The following GRIN2A variants were observed in gnomAD, a reference collection of about 807,000 sequenced individuals.
The protein encoded by GRIN2A is glutamate ionotropic receptor NMDA type subunit 2A, also known as glutamate receptor ionotropic, NMDA 2A.
GRIN2A carries 22 observed loss-of-function variants against 113.4 expected under a neutral mutation model. That is an observed-to-expected ratio of 0.19 (90% CI 0.14 to 0.28). The LOEUF (loss-of-function observed/expected upper bound fraction) is 0.28, where lower values mean the gene tolerates loss of function less well. Ranked by LOEUF, GRIN2A falls within the 10% of genes least tolerant of loss-of-function variation. GRIN2A has a pLI of 1.00. For missense variants in GRIN2A, 1,502 were observed against 1,887.0 expected (o/e 0.80, Z 3.78); for synonymous variants, 827 against 738.4 (o/e 1.12, Z -1.94).
chr16:9,761,720 A>T lies in GRIN2A; in HGVS notation c.*1429T>A, dbSNP rs1900591088. On this transcript the variant is annotated 3_prime_UTR_variant, in exon 13 of 13. Transcript: ENST00000330684. ...TTCCCCTCTCTGTCTCTAACTTAAA[A>T]AAAAAATGGATATCATTTCATGTCA... The T allele has an allele frequency of 4.5e-6, 1 of 222,024 alleles. No homozygotes were observed. 13.8% of individuals were successfully genotyped at this position (222,024 alleles called of 1,614,324 possible).
chr16:10,136,430 A>C (rs990603960), intron 2 of GRIN2A, among the ~76,000 whole-genome samples: 8 of 152,188 alleles, frequency 5.3e-5, no homozygotes, highest in Non-Finnish European at 1.2e-4. Context: ...CAAGAAAATC[A>C]AACTGTGTAA....
At chr16:10,135,238 T>C (rs2049167282) in intron 2 of GRIN2A, among the ~76,000 whole-genome samples, 1 of 152,240 alleles carries the variant, frequency 6.6e-6, no homozygotes, top group Non-Finnish European at 1.5e-5. Context: ...ATAACAAGGA[T>C]GTCCTTTCCT....
chr16:10,101,131 C>G (rs2048386525), intron 2 of GRIN2A, among the ~76,000 whole-genome samples: 2 of 152,214 alleles, frequency 1.3e-5, no homozygotes, highest in Admixed American at 6.5e-5. Context: ...CATGGGGCTC[C>G]TTTCATGGGC....
At chr16:10,047,200 T>C (rs2047275830) in intron 2 of GRIN2A, among the ~76,000 whole-genome samples, 1 of 152,262 alleles carries the variant, frequency 6.6e-6, no homozygotes, top group African/African-American at 2.4e-5. Flanking sequence ...ATTTATATCC[T>C]TCTATAAATG....
chr16:9,756,972 T>C lies in GRIN2A; in HGVS notation c.*6177A>G, dbSNP rs1900372190. The C allele has an allele frequency of 5.2e-6, 1 of 193,192 alleles. No individual in the cohort carries two copies. Among genetic ancestry groups the C allele is most frequent in the Non-Finnish European group, 1.1e-5 (1 of 92,488 alleles). 12.0% of individuals were successfully genotyped at this position (193,192 alleles called of 1,614,324 possible). On this transcript the variant is annotated 3_prime_UTR_variant, in exon 13 of 13. Transcript: ENST00000330684. ...AACTTGATAAAGAATTTTCCCTCTA[T>C]GCTTCCCTGATACATTCATACCCTG...
At chr16:9,867,339 T>A in intron 4 of GRIN2A, among the ~76,000 whole-genome samples, 1 of 152,180 alleles carries the variant, frequency 6.6e-6, no homozygotes, top group East Asian at 1.9e-4. Flanking sequence ...CCTTCACACC[T>A]GCCCACAAGA....
At chr16:9,835,006 A>G (rs1281691016) in intron 7 of GRIN2A, among the ~76,000 whole-genome samples, 2 of 152,144 alleles carry the variant, frequency 1.3e-5, no homozygotes, top group African/African-American at 4.8e-5. Context: ...TAGAAAGATG[A>G]TATGCAGGGA....
intron 2 of GRIN2A, among the ~76,000 whole-genome samples, chr16:10,048,891 G>C (rs554016451): frequency 6.6e-6 from 1 of 152,216 alleles, no homozygotes; most frequent in East Asian, 1.9e-4. Flanking sequence ...CAAGCTCCAG[G>C]GCCAAGTTCT....
chr16:10,038,714 A>G (rs530555127), intron 2 of GRIN2A, among the ~76,000 whole-genome samples: 1 of 151,914 alleles, frequency 6.6e-6, no homozygotes, highest in East Asian at 1.9e-4. Context: ...CGGGCATGGC[A>G]GCAGGCGCCT....
chr16:10,100,108 C>A (rs972963758), intron 2 of GRIN2A, among the ~76,000 whole-genome samples: 1 of 152,168 alleles, frequency 6.6e-6, no homozygotes, highest in African/African-American at 2.4e-5. Flanking sequence ...AGGGCAACTG[C>A]AAGAAGGCCA....
intron 4 of GRIN2A, among the ~76,000 whole-genome samples, chr16:9,850,407 T>A (rs997302915): frequency 2.0e-5 from 3 of 152,184 alleles, no homozygotes; most frequent in African/African-American, 4.8e-5. Flanking sequence ...ATGAACACAA[T>A]TCCCCCTACT....
intron 2 of GRIN2A, among the ~76,000 whole-genome samples, chr16:10,164,283 A>G (rs1478953609): frequency 6.6e-6 from 1 of 152,252 alleles, no homozygotes; most frequent in Non-Finnish European, 1.5e-5. Flanking sequence ...TGGTGTCTGT[A>G]AGTGGCACGG....
intron 5 of GRIN2A, among the ~76,000 whole-genome samples, 191 bp downstream of exon 5, chr16:9,849,565 G>A (rs2042842655): frequency 6.6e-6 from 1 of 152,082 alleles, no homozygotes; most frequent in Non-Finnish European, 1.5e-5. Flanking sequence ...GGAATTAAAT[G>A]AATGCAAGTG....
intron 2 of GRIN2A, among the ~76,000 whole-genome samples, chr16:10,087,853 A>AT (rs376085870): frequency 0.77 from 83,771 of 108,462 alleles, 33,359 homozygotes; most frequent in East Asian, 0.95. Context: ...TGCCCAGCTA[A>AT]TTTTTTTTTT....
At chr16:9,903,497 C>T (rs1340662825) in intron 3 of GRIN2A, among the ~76,000 whole-genome samples, 1 of 152,204 alleles carries the variant, frequency 6.6e-6, no homozygotes, top group East Asian at 1.9e-4. Flanking sequence ...CCGAGGACCA[C>T]CTTTTCCCTA....
At chr16:10,176,963 A>G (rs1205540504) in intron 2 of GRIN2A, among the ~76,000 whole-genome samples, 2 of 152,226 alleles carry the variant, frequency 1.3e-5, no homozygotes, top group Non-Finnish European at 2.9e-5. Flanking sequence ...GCCAATGTAG[A>G]AGTAAATATA....
At chr16:10,000,248 TTAGGGCATGGACACA>T (rs2046296770) in intron 2 of GRIN2A, among the ~76,000 whole-genome samples, 1 of 152,168 alleles carries the variant, frequency 6.6e-6, no homozygotes, top group Non-Finnish European at 1.5e-5. Flanking sequence ...GTTCCAAGCA[TTAGGGCATGGACACA>T]TTTGGTGAGT....
chr16:9,827,843 T>G (rs1006034988), intron 9 of GRIN2A, among the ~76,000 whole-genome samples: 1 of 152,140 alleles, frequency 6.6e-6, no homozygotes, highest in Admixed American at 6.5e-5. Flanking sequence ...GCAAAATAAC[T>G]CTATCAAAAC....
In GRIN2A at chr16:9,756,765, C is replaced by A. The variant is rs13339551; in HGVS notation, c.*6384G>T. 1.2e-3 allele frequency: 223 copies of A among 182,380 alleles called. No homozygotes were observed. Among genetic ancestry groups the A allele is most frequent in the African/African-American group, 5.0e-3 (212 of 42,592 alleles). 11.3% of individuals were successfully genotyped at this position (182,380 alleles called of 1,614,324 possible). A position where few individuals can be genotyped will look rare whatever the true frequency, so the allele number is the denominator to read the frequency against. Reference sequence around the variant, plus strand: ...GGTGCAGATCCATGGCAAGTACTTGCGATAAGCAGAAAATGTAACATTCCA... The same window carrying A: ...GGTGCAGATCCATGGCAAGTACTTGAGATAAGCAGAAAATGTAACATTCCA... On this transcript the variant is annotated 3_prime_UTR_variant, in exon 13 of 13. Coordinates refer to ENST00000330684, the MANE Select transcript of GRIN2A (RefSeq NM_001134407.3).
Sources: allele counts gnomAD v4.1 joint callset (sites outside exome capture counted in the v4.1 genomes callset), GRCh38; gene constraint gnomAD v4.1.1; transcripts MANE v1.5; gene names NCBI Gene and HGNC (gene_info 2026-07-23, HGNC 2026-07-21).